Variants in RYR2 observed in about 807,000 individuals in gnomAD.
RYR2 encodes the protein cardiac muscle ryanodine receptor-calcium release channel.
A neutral mutation model predicts 601.1 loss-of-function variants in RYR2; 227 were observed. That is an observed-to-expected ratio of 0.38 (90% CI 0.34 to 0.42). The LOEUF (loss-of-function observed/expected upper bound fraction) is 0.42, where lower values mean the gene tolerates loss of function less well. Ranked by LOEUF, RYR2 falls within the 10% of genes least tolerant of loss-of-function variation. RYR2 has a pLI of 1.00. For missense variants in RYR2, 4,646 were observed against 6,156.5 expected, an observed-to-expected ratio of 0.75 and a Z score of 8.21; for synonymous variants, 2,223 against 2,175.1, an observed-to-expected ratio of 1.02 and a Z score of -0.61.
chr1:237,260,576 T>G (rs2149309692), intron 1 of RYR2, among the ~76,000 whole-genome samples: 1 of 152,280 alleles, frequency 6.6e-6, no homozygotes, highest in Non-Finnish European at 1.5e-5. Context: ...GTCACACCTG[T>G]AATCCCAGCA....
intron 1 of RYR2, among the ~76,000 whole-genome samples, chr1:237,146,629 A>G (rs1334891393): frequency 6.6e-6 from 1 of 152,058 alleles, no homozygotes. Flanking sequence ...GCATTTTTTC[A>G]CCAGTTTCTG....
At chr1:237,416,983 A>C (rs1432149207) in intron 10 of RYR2, 66 bp from the exon 11 acceptor site, 23 of 1,441,016 alleles carry the variant, frequency 1.6e-5, no homozygotes, top group Non-Finnish European at 2.1e-5. Context: ...AGCTTCAAAA[A>C]ATTAGAGTCC....
intron 24 of RYR2, among the ~76,000 whole-genome samples, chr1:237,513,783 T>A (rs1666148151): frequency 6.6e-6 from 1 of 152,174 alleles, no homozygotes; most frequent in African/African-American, 2.4e-5. Flanking sequence ...ACGATCTAGG[T>A]TTGTACGAAT....
intron 25 of RYR2, among the ~76,000 whole-genome samples, chr1:237,533,439 G>A (rs2061841): frequency 0.48 from 73,658 of 151,874 alleles, 18,137 homozygotes; most frequent in East Asian, 0.64. Context: ...TCGCACCGAC[G>A]AGCAGGCAAA....
In RYR2 at chr1:237,651,497, TTAAAG is replaced by T; in HGVS notation, c.7824_7824+4del. 6.5e-7 allele frequency: 1 copy of T among 1,537,994 alleles called. No homozygotes were observed. The highest frequency in any genetic ancestry group is 8.9e-7 in the Non-Finnish European group (1 of 1,127,060). ...TTAAATGAACACGCAAAGATGCCTC[TTAAAG>T]TAAGTATAGGAAATGTTTGTAGATA... On this transcript the variant is annotated splice_donor_variant and coding_sequence_variant, in exon 51 of 105. Transcript: ENST00000366574. LOFTEE classifies it high-confidence loss of function.
At chr1:237,576,225 A>C (rs548830593) in intron 29 of RYR2, among the ~76,000 whole-genome samples, 1 of 152,320 alleles carries the variant, frequency 6.6e-6, no homozygotes, top group East Asian at 1.9e-4. Flanking sequence ...TTCAAATAAA[A>C]ATCCCAACAA....
chr1:237,168,198 A>G (rs1396437232), intron 1 of RYR2, among the ~76,000 whole-genome samples: 2 of 151,998 alleles, frequency 1.3e-5, no homozygotes, highest in Non-Finnish European at 2.9e-5. Flanking sequence ...TGGAGGACAA[A>G]TGTTGGCTTC....
rs1207013704 is a variant in RYR2, at chr1:237,730,314, A to G, written c.10893A>G (p.Thr3631=). The stretch of plus-strand genomic sequence containing the variant: ...GATATGAAAAGTCTTGGATTGAAAC[A>G]GAAGAACATTACTTTGAAGATAAAC... ...LQGYEKSWIE[T]EEHYFEDKLI... Residue 3631 remains threonine, a synonymous_variant, in exon 77 of 105, where the codon ACA becomes ACG. Coordinates refer to ENST00000366574, the MANE Select transcript of RYR2 (RefSeq NM_001035.3). 6.2e-7 allele frequency: 1 copy of G among 1,606,568 alleles called. No homozygotes were observed. The highest frequency in any genetic ancestry group is 1.3e-5 in the African/African-American group (1 of 74,768).
At chr1:237,550,976 C>T (rs1242186357) in intron 27 of RYR2, among the ~76,000 whole-genome samples, 1 of 152,104 alleles carries the variant, frequency 6.6e-6, no homozygotes, top group Non-Finnish European at 1.5e-5. Context: ...TTGGGCTCCT[C>T]CCCTAGCCCA....
intron 10 of RYR2, among the ~76,000 whole-genome samples, chr1:237,396,937 GTTC>G (rs1188016517): frequency 6.6e-6 from 1 of 152,128 alleles, no homozygotes. Flanking sequence ...GGATCATAGA[GTTC>G]TTAAACTTGA....
chr1:237,832,652 A>G lies in RYR2; in HGVS notation c.*5A>G. On this transcript the variant is annotated 3_prime_UTR_variant, in exon 105 of 105. Transcript: ENST00000366574. ...TATGAAGACCAGCTAAATTAAACTC[A>G]GACCCAATCACCTCTAAAAACCAAA... is the stretch of plus-strand genomic sequence containing the variant. 6.3e-7 allele frequency: 1 copy of G among 1,590,762 alleles called. No homozygotes were observed. The highest frequency in any genetic ancestry group is 1.1e-5 in the South Asian group (1 of 90,052).
chr1:237,374,729 C>T lies in RYR2; in HGVS notation c.397C>T (p.Leu133=). Residue 133 remains leucine, a synonymous_variant, in exon 7 of 105, where the codon CTG becomes TTG. Coordinates refer to ENST00000366574, the MANE Select transcript of RYR2 (RefSeq NM_001035.3). ...TTGTACTTTGTAGTATCTGTGCTGC[C>T]TGTCCACCTCCCGGTCTTCAACTGA... The part of the protein sequence containing the change: ...HSYSGMYLCC[L]STSRSSTDKL... 2 of 1,612,558 alleles carry T rather than the reference C, an allele frequency of 1.2e-6. No individual in the cohort carries two copies. The highest frequency in any genetic ancestry group is 1.7e-6 in the Non-Finnish European group (2 of 1,179,254).
chr1:237,776,628 C>T (rs554098168), intron 87 of RYR2, among the ~76,000 whole-genome samples: 1 of 150,738 alleles, frequency 6.6e-6, no homozygotes, highest in Non-Finnish European at 1.5e-5. Flanking sequence ...TACTCTCCCC[C>T]CTGAAGGTTC....
At chr1:237,269,339 G>A (rs1000183763) in intron 1 of RYR2, among the ~76,000 whole-genome samples, 6 of 151,596 alleles carry the variant, frequency 4.0e-5, no homozygotes, top group South Asian at 2.1e-4. Context: ...CACCGCGCCC[G>A]GCCATATAGC....
chr1:237,500,291 A>G (rs1664494074), intron 20 of RYR2, among the ~76,000 whole-genome samples: 1 of 152,210 alleles, frequency 6.6e-6, no homozygotes, highest in Admixed American at 6.5e-5. Flanking sequence ...AGGTGATGGT[A>G]CTTGGTGTTC....
chr1:237,274,558 C>A (rs1690067918), intron 2 of RYR2, among the ~76,000 whole-genome samples: 1 of 151,962 alleles, frequency 6.6e-6, no homozygotes, highest in Non-Finnish European at 1.5e-5. Flanking sequence ...TAAAAAGTTA[C>A]AATAAGCTAA....
At chr1:237,511,856 A>AC (rs1665949331) in intron 24 of RYR2, 65 bp downstream of exon 24, 3 of 972,312 alleles carry the variant, frequency 3.1e-6, no homozygotes, top group East Asian at 2.9e-5. Flanking sequence ...AAAAAAAAAA[A>AC]AAACAGGTAT....
intron 1 of RYR2, among the ~76,000 whole-genome samples, chr1:237,110,016 C>T (rs1377401790): frequency 6.6e-6 from 1 of 152,108 alleles, no homozygotes; most frequent in Non-Finnish European, 1.5e-5. Context: ...ATTCTAATCC[C>T]CCGGCCCCAC....
chr1:237,594,901 T>TTTG (rs1559084137), intron 33 of RYR2, among the ~76,000 whole-genome samples: 1 of 20,252 alleles, frequency 4.9e-5, no homozygotes, highest in African/African-American at 9.2e-5. Flanking sequence ...TTTTTTTTTT[T>TTTG]TTTTTTTTTT....
Sources: gnomAD v4.1 joint callset for allele counts (sites outside exome capture counted in the v4.1 genomes callset) on GRCh38, gnomAD v4.1.1 for gene constraint, MANE v1.5 for transcripts, NCBI Gene and HGNC (gene_info 2026-07-23, HGNC 2026-07-21) for gene names.